The following TACC2 variants were observed in gnomAD, a reference collection of about 807,000 sequenced individuals.
The protein encoded by TACC2 is transforming acidic coiled-coil-containing protein 2.
In TACC2, 137 loss-of-function variants were observed where a neutral mutation model predicts 227.3. The ratio of observed to expected loss-of-function variants is 0.60; its 90% CI spans 0.52 to 0.69. The LOEUF (loss-of-function observed/expected upper bound fraction) is 0.69. Ranked by LOEUF, TACC2 falls within the 30% of genes least tolerant of loss-of-function variation. The pLI is 0.00. For synonymous variants in TACC2, 1,523 were observed against 1,487.5 expected (o/e 1.02, Z -0.55); for missense variants, 3,470 against 3,694.4 (o/e 0.94, Z 1.57).
chr10:122,082,051 C>A lies in TACC2; in HGVS notation c.147-596C>A, dbSNP rs1329338223. On this transcript the variant is annotated intron_variant, in intron 3 of 22. Coordinates refer to ENST00000369005, the MANE Select transcript of TACC2 (RefSeq NM_206862.4). ...TTTCTGAGTTGTCAGCACGGTGGCT[C>A]ACGCCTATAATTCCAGCACTTTGGG... 2.7e-5 allele frequency among the ~76,000 whole-genome samples: 4 copies of A among 150,420 alleles called. No individual in the cohort carries two copies. The East Asian group carries it at 7.8e-4, about 29-fold the overall frequency.
Position 122,210,581 on chromosome 10 carries a change from G to T in TACC2, c.6156G>T (p.Leu2052Phe). Residue 2052 changes from leucine (L) to phenylalanine (F), a missense_variant, in exon 9 of 23, where the codon TTG becomes TTT. By Grantham distance (22) the Leu-to-Phe change is conservative. Transcript: ENST00000369005. This position sits in a 1 kb window ranked among gnomAD's most constrained non-coding sequence, Gnocchi z 4.6. ...AGCTTGTGGATACCTTTCAGACCTTGGAGCCTCGTGCCTCAGACGCTAAGA... is the reference window on the plus strand; with the variant it reads ...AGCTTGTGGATACCTTTCAGACCTTTGAGCCTCGTGCCTCAGACGCTAAGA... ...NIELVDTFQT[L>F]EPRASDAKNQ... The T allele has an allele frequency of 6.2e-7, 1 of 1,614,120 alleles. No homozygotes were observed. Among genetic ancestry groups the T allele is most frequent in the Non-Finnish European group, 8.5e-7 (1 of 1,180,020 alleles).
intron 5 of TACC2, among the ~76,000 whole-genome samples, chr10:122,122,279 C>T (rs1283529707): frequency 9.2e-5 from 14 of 151,732 alleles, no homozygotes; most frequent in Non-Finnish European, 1.6e-4. Flanking sequence ...GGCGTGAACC[C>T]GGGAGGCGGA....
At chr10:122,163,438 G>A (rs117277819) in intron 7 of TACC2, 24,476 of 438,554 alleles carry the variant, frequency 0.056, 798 homozygotes, top group Non-Finnish European at 0.063. Context: ...GGGCGGTCCC[G>A]GCGAGGCGGG....
chr10:122,026,629 C>T lies in TACC2; in HGVS notation c.33+4615C>T, dbSNP rs984248974. 2.0e-5 allele frequency among the ~76,000 whole-genome samples: 3 copies of T among 152,272 alleles called. No individual in the cohort carries two copies. In the East Asian group the frequency reaches 5.8e-4, roughly 29 times the overall value. On this transcript the variant is annotated intron_variant, in intron 2 of 22. Coordinates refer to ENST00000369005, the MANE Select transcript of TACC2 (RefSeq NM_206862.4). The stretch of plus-strand genomic sequence containing the variant: ...AAAAATCCTCTGGACTCCACCTACT[C>T]ATCCCTCCCACACCTCTCAATCCCT...
intron 4 of TACC2, 100 bp downstream of exon 4, chr10:122,088,059 T>TA: frequency 1.5e-6 from 2 of 1,301,132 alleles, no homozygotes; most frequent in Non-Finnish European, 2.0e-6. Flanking sequence ...AGTGGTTTTC[T>TA]AAAAGCTGAG....
intron 5 of TACC2, among the ~76,000 whole-genome samples, chr10:122,120,220 C>T (rs569271154): frequency 6.6e-6 from 1 of 152,302 alleles, no homozygotes; most frequent in East Asian, 1.9e-4. Context: ...TAACTCCCAA[C>T]CAGAAGCTGC....
rs878963373 is a variant in TACC2 at position 122,210,241 on chromosome 10, G to A, written c.5972-156G>A. ...CTTGAGCTAATTACGGGTAGGTCAG[G>A]TTCTGTACCCAAGTAGTACACACAG... On this transcript the variant is annotated intron_variant, in intron 8 of 22. Coordinates refer to ENST00000369005, the MANE Select transcript of TACC2 (RefSeq NM_206862.4). The surrounding 1 kb of genome is among the most constrained non-coding windows in gnomAD (Gnocchi z 4.6). The A allele has an allele frequency of 3.0e-6, 2 of 659,670 alleles. No individual in the cohort carries two copies. Among genetic ancestry groups the A allele is most frequent in the Admixed American group, 5.1e-5 (2 of 39,566 alleles). 40.9% of individuals were successfully genotyped at this position (659,670 alleles called of 1,614,324 possible).
chr10:122,237,593 C>T (rs2095881820), intron 17 of TACC2, 55 bp downstream of exon 17: 1 of 1,571,696 alleles, frequency 6.4e-7, no homozygotes. Context: ...AATACGTATG[C>T]TCGTGGTCCA....
At position 122,074,081 on chromosome 10, in the gene TACC2, CTTT is replaced by C. The variant is rs3981240; in HGVS notation, c.147-8551_147-8549del. 1.2e-3 allele frequency among the ~76,000 whole-genome samples: 158 copies of C among 132,150 alleles called. 1 individual carries two copies. Among genetic ancestry groups the C allele is most frequent in the African/African-American group, 4.1e-3 (145 of 35,090 alleles). The allele number at this position is 132,150 out of a possible 152,430, so 86.7% of individuals were successfully genotyped here. On this transcript the variant is annotated intron_variant, in intron 3 of 22. Transcript: ENST00000369005. ...AGGCGTAAGTCACAGCACCCGGCATCTTTTTTTTTTTTTTTTTGAGACGGAGTA... is the reference window on the plus strand; with the variant it reads ...AGGCGTAAGTCACAGCACCCGGCATCTTTTTTTTTTTTTTGAGACGGAGTA...
At chr10:122,248,502 G>A (rs894473500) in intron 19 of TACC2, 141 bp from the exon 20 acceptor site, 16 of 966,144 alleles carry the variant, frequency 1.7e-5, no homozygotes, top group East Asian at 1.2e-4. Context: ...GCTCTGGGGC[G>A]TGGGTTCGTC....
In TACC2 at chr10:122,083,482, G is replaced by A. The variant is rs570548726; in HGVS notation, c.982G>A (p.Ala328Thr). ...GAAPEAEVNAASQESCQQPVG... is the reference protein window; with the variant it reads ...GAAPEAEVNATSQESCQQPVG... The stretch of plus-strand genomic sequence containing the variant: ...TGCCCCAGAAGCAGAAGTGAATGCC[G>A]CTTCCCAGGAGAGCTGCCAGCAGCC... Residue 328 changes from alanine to threonine, a missense_variant, in exon 4 of 23, where the codon GCT becomes ACT. Ala to Thr is a moderately conservative substitution (Grantham distance 58, BLOSUM62 0). This residue lies in a region of TACC2 where 33 missense variants were observed against 60.4 expected (regional missense o/e 0.55). Coordinates refer to ENST00000369005, the MANE Select transcript of TACC2 (RefSeq NM_206862.4). 1.9e-5 allele frequency: 30 copies of A among 1,613,232 alleles called. No individual in the cohort carries two copies. Among genetic ancestry groups the A allele is most frequent in the Admixed American group, 6.7e-5 (4 of 60,024 alleles).
chr10:122,220,731 T>C (rs1194739601), intron 11 of TACC2, among the ~76,000 whole-genome samples: 4 of 152,250 alleles, frequency 2.6e-5, no homozygotes, highest in Non-Finnish European at 5.9e-5. Flanking sequence ...ATTAATTCTA[T>C]AGGTAACAAT....
chr10:122,073,872 T>C (rs929930148), intron 3 of TACC2, among the ~76,000 whole-genome samples: 6 of 152,084 alleles, frequency 3.9e-5, no homozygotes, highest in Admixed American at 2.0e-4. Flanking sequence ...CTCCGCCTCC[T>C]GGGTTCACAC....
chr10:122,230,230 T>C, intron 15 of TACC2, 121 bp from the exon 16 acceptor site: 1 of 776,882 alleles, frequency 1.3e-6, no homozygotes, highest in Non-Finnish European at 2.3e-6. Flanking sequence ...GCGGAGCGCG[T>C]GTTTTTCCCG....
intron 11 of TACC2, among the ~76,000 whole-genome samples, chr10:122,217,563 C>A (rs1017407949): frequency 6.8e-6 from 1 of 146,012 alleles, no homozygotes; most frequent in Non-Finnish European, 1.5e-5. Context: ...CTCAGCCTTG[C>A]GAGTAGCTGA....
chr10:122,050,804 A>T lies in TACC2; in HGVS notation c.146+254A>T. 2.1e-6 allele frequency: 1 copy of T among 468,604 alleles called. No homozygotes were observed. The highest frequency in any genetic ancestry group is 3.8e-6 in the Non-Finnish European group (1 of 264,116). 29.0% of individuals were successfully genotyped at this position (468,604 alleles called of 1,614,324 possible). On this transcript the variant is annotated intron_variant, in intron 3 of 22. Coordinates refer to ENST00000369005, the MANE Select transcript of TACC2 (RefSeq NM_206862.4). The surrounding 1 kb of genome is among the most constrained non-coding windows in gnomAD (Gnocchi z 4.6). ...AATTATAGACTTCCATTCCAGCCAC[A>T]CTCCAGAGTATCTTCATTGTCAGAA...
At chr10:121,997,859 G>A (rs992004458) in intron 1 of TACC2, among the ~76,000 whole-genome samples, 1 of 152,060 alleles carries the variant, frequency 6.6e-6, no homozygotes, top group Non-Finnish European at 1.5e-5. Context: ...ATGCGATCCC[G>A]ATCCAATGCT....
chr10:122,129,452 C>A (rs372654688), intron 5 of TACC2, among the ~76,000 whole-genome samples: 2 of 152,112 alleles, frequency 1.3e-5, no homozygotes, highest in Admixed American at 1.3e-4. Context: ...TTGGTTGTTT[C>A]CAGATTTTTT....
At chr10:122,103,090 G>GA (rs369555368) in intron 5 of TACC2, among the ~76,000 whole-genome samples, 8 of 150,184 alleles carry the variant, frequency 5.3e-5, no homozygotes, top group Non-Finnish European at 7.4e-5. Flanking sequence ...CTAGGAAAAA[G>GA]AAAAAAAAAG....
Sources: allele counts gnomAD v4.1 joint callset (sites outside exome capture counted in the v4.1 genomes callset), GRCh38; gene constraint gnomAD v4.1.1; regional missense constraint gnomAD v4.1.1; non-coding constraint Gnocchi (gnomAD v3.1); transcripts MANE v1.5; gene names NCBI Gene and HGNC (gene_info 2026-07-23, HGNC 2026-07-21).